Variants in USP14 observed in about 807,000 individuals in gnomAD.
USP14 encodes the protein ubiquitin carboxyl-terminal hydrolase 14.
In USP14, 38 loss-of-function variants were observed where a neutral mutation model predicts 76.5. That is an observed-to-expected ratio of 0.50 (90% confidence interval 0.38 to 0.65). The LOEUF (loss-of-function observed/expected upper bound fraction) is 0.65. USP14 is among the 30% of genes least tolerant of loss of function. The pLI is 0.00. For synonymous variants in USP14, 192 were observed against 191.7 expected, an observed-to-expected ratio of 1.00 and a Z score of -0.01; for missense variants, 467 against 586.5, an observed-to-expected ratio of 0.80 and a Z score of 2.10.
rs562036588 is a variant in USP14 at position 161,127 on chromosome 18, C to A, written c.17-2181C>A. Among the ~76,000 whole-genome samples the A allele has an allele frequency of 2.6e-5, 4 of 152,248 alleles. No individual in the cohort carries two copies. In the South Asian group the frequency reaches 8.3e-4, roughly 32 times the overall value. ...ATTTTTAGTAGAAACGAGGTTTCAC[C>A]GTATTGGCCAGGCTGGTCTCAAACC... On this transcript the variant is annotated intron_variant, in intron 1 of 15. Transcript: ENST00000261601.
intron 3 of USP14, among the ~76,000 whole-genome samples, chr18:168,898 C>T (rs1284031320): frequency 4.0e-5 from 6 of 148,622 alleles, no homozygotes; most frequent in African/African-American, 9.8e-5. Context: ...GGTGAAACTC[C>T]GTCTCTACTA....
chr18:202,549 C>T (rs894501099), intron 10 of USP14, among the ~76,000 whole-genome samples: 2 of 152,078 alleles, frequency 1.3e-5, no homozygotes, highest in African/African-American at 4.8e-5. Flanking sequence ...TGATAATAAA[C>T]AGGAATGACA....
chr18:204,660 G>C lies in USP14; in HGVS notation c.1132G>C (p.Glu378Gln). The change falls in exon 13 of 16, where the codon GAA becomes CAA. Residue 378 changes from glutamate (E) to glutamine (Q), a missense_variant. Coordinates refer to ENST00000261601, the MANE Select transcript of USP14 (RefSeq NM_005151.4). Reference sequence around the variant, plus strand: ...TTTTCGATCCAAATTCAAGGATCTAGAAGATAAAAAAGTGAATCAGCAGCC... The same window carrying C: ...TTTTCGATCCAAATTCAAGGATCTACAAGATAAAAAAGTGAATCAGCAGCC... ...VSFRSKFKDL[E>Q]DKKVNQQPNT... 6.2e-7 allele frequency: 1 copy of C among 1,613,202 alleles called. No individual in the cohort carries two copies. Among genetic ancestry groups the C allele is most frequent in the Non-Finnish European group, 8.5e-7 (1 of 1,179,716 alleles).
In USP14 at chr18:160,650, A is replaced by C. The variant is rs371969303; in HGVS notation, c.16+1936A>C. On this transcript the variant is annotated intron_variant, in intron 1 of 15. Transcript: ENST00000261601. ...CTTGTAAGCATGAGCAAAAAGTTTT[A>C]AGTAACTTGCTCATGGCAATAGCAC... Among the ~76,000 whole-genome samples, 125 of 152,370 alleles carry C rather than the reference A, an allele frequency of 8.2e-4. 1 individual carries two copies. The highest frequency in any genetic ancestry group is 2.7e-3 in the African/African-American group (112 of 41,594).
Position 198,078 on chromosome 18 carries a change from C to T in USP14, c.707C>T (p.Pro236Leu), listed in dbSNP as rs1350538047. 3 of 1,610,882 alleles carry T rather than the reference C, an allele frequency of 1.9e-6. No homozygotes were observed. The highest frequency in any genetic ancestry group is 2.7e-5 in the African/African-American group (2 of 74,848). Reference sequence around the variant, plus strand: ...TCCTCATCTGCATCGGCAGCGACACCTTCTAAAAAGAAAAGTTTAATCGAT... The same window carrying T: ...TCCTCATCTGCATCGGCAGCGACACTTTCTAAAAAGAAAAGTTTAATCGAT... ...TDSSSASAATPSKKKSLIDQF... is the reference protein window; with the variant it reads ...TDSSSASAATLSKKKSLIDQF... Residue 236 changes from proline (P) to leucine (L), a missense_variant, in exon 9 of 16, where the codon CCT becomes CTT. Coordinates refer to ENST00000261601, the MANE Select transcript of USP14 (RefSeq NM_005151.4).
At position 173,488 on chromosome 18, in the gene USP14, C is replaced by T. The variant is rs567750309; in HGVS notation, c.196-5445C>T. On this transcript the variant is annotated intron_variant, in intron 3 of 15. Coordinates refer to ENST00000261601, the MANE Select transcript of USP14 (RefSeq NM_005151.4). ...GTGCAATGGCGTGATCTCAGCTCAC[C>T]GCAACCTCCGTCTCCCAGGTTCAAG... Among the ~76,000 whole-genome samples the T allele has an allele frequency of 2.9e-4, 44 of 151,662 alleles. 1 individual carries two copies. In the South Asian group the frequency reaches 7.7e-3, roughly 27 times the overall value.
At chr18:198,624 T>C (rs982713210) in intron 9 of USP14, among the ~76,000 whole-genome samples, 2 of 152,190 alleles carry the variant, frequency 1.3e-5, no homozygotes, top group Non-Finnish European at 2.9e-5. Context: ...CATTATGTTT[T>C]GATTAATATA....
Position 214,597 on chromosome 18 carries a change from A to G in USP14, c.*3313A>G, listed in dbSNP as rs768664576. ...GCTGCTTGGTAACAAAATCTATCAC[A>G]GTTTTAATAAAAAGAAAAAAAAAAG... On this transcript the variant is annotated 3_prime_UTR_variant, in exon 16 of 16. Coordinates refer to ENST00000261601, the MANE Select transcript of USP14 (RefSeq NM_005151.4). 2.6e-6 allele frequency: 4 copies of G among 1,561,194 alleles called. No individual in the cohort carries two copies. In the South Asian group the frequency reaches 4.8e-5, roughly 19 times the overall value.
intron 12 of USP14, among the ~76,000 whole-genome samples, chr18:203,908 C>T (rs147598127): frequency 4.3e-4 from 65 of 152,226 alleles, no homozygotes; most frequent in African/African-American, 1.5e-3. Flanking sequence ...ATCACTGGTG[C>T]CCAAAGAGTA....
intron 2 of USP14, 42 bp downstream of exon 2, chr18:163,495 A>C: frequency 6.4e-7 from 1 of 1,554,770 alleles, no homozygotes; most frequent in Non-Finnish European, 8.7e-7. Context: ...CTATTATTGT[A>C]TACTTTTTGA....
intron 5 of USP14, among the ~76,000 whole-genome samples, chr18:188,570 A>G (rs1274276): frequency 0.2 from 24,825 of 124,870 alleles, 2,375 homozygotes; most frequent in Non-Finnish European, 0.25. Context: ...CTCTATGTCT[A>G]TCTTTTCCTG....
chr18:166,719 A>G (rs1322205221), intron 2 of USP14, 68 bp from the exon 3 acceptor site: 2 of 1,374,668 alleles, frequency 1.5e-6, no homozygotes, highest in East Asian at 4.6e-5. Context: ...ATTAAAATAA[A>G]TTGATTATTA....
At chr18:192,931 AGGAG>A (rs1314365759) in intron 6 of USP14, 31 bp downstream of exon 6, 6 of 1,582,508 alleles carry the variant, frequency 3.8e-6, no homozygotes, top group Non-Finnish European at 5.2e-6. Flanking sequence ...ACTTTTTGAT[AGGAG>A]TAAGACATTC....
intron 4 of USP14, 111 bp downstream of exon 4, chr18:179,148 C>G (rs1909710947): frequency 1.5e-6 from 1 of 660,810 alleles, no homozygotes; most frequent in South Asian, 2.3e-5. Context: ...TCATTAATAC[C>G]AAGATAGATA....
At chr18:173,312 C>T (rs1038786991) in intron 3 of USP14, among the ~76,000 whole-genome samples, 27 of 151,744 alleles carry the variant, frequency 1.8e-4, no homozygotes, top group Admixed American at 2.0e-4. Flanking sequence ...GGGGTTTCAC[C>T]ATGTTAGCCA....
rs563244626 is a variant in USP14 at position 213,988 on chromosome 18, TA to T, written c.*2705del. On this transcript the variant is annotated 3_prime_UTR_variant, in exon 16 of 16. Transcript: ENST00000261601. ...AAGATAGATAGATTAGATAGATAGA[TA>T]GATAGATAGATGATGATTGATTGAT... 378 of 150,494 alleles carry T rather than the reference TA, an allele frequency of 2.5e-3. 1 individual carries two copies. Among genetic ancestry groups the T allele is most frequent in the African/African-American group, 8.7e-3 (355 of 41,022 alleles). 9.3% of individuals were successfully genotyped at this position (150,494 alleles called of 1,614,324 possible). A position where few individuals can be genotyped will look rare whatever the true frequency, so the allele number is the denominator to read the frequency against.
At chr18:170,626 T>C (rs961372096) in intron 3 of USP14, among the ~76,000 whole-genome samples, 1 of 152,178 alleles carries the variant, frequency 6.6e-6, no homozygotes, top group Non-Finnish European at 1.5e-5. Context: ...GTGGTGTGGA[T>C]AGAAGATCAA....
At chr18:199,672 T>C (rs1412926854) in intron 10 of USP14, among the ~76,000 whole-genome samples, 2 of 152,218 alleles carry the variant, frequency 1.3e-5, no homozygotes, top group Non-Finnish European at 2.9e-5. Flanking sequence ...TGAGAAAATA[T>C]ACTTGTTAGA....
At chr18:165,278 TA>T (rs1478112469) in intron 2 of USP14, among the ~76,000 whole-genome samples, 1 of 152,170 alleles carries the variant, frequency 6.6e-6, no homozygotes, top group African/African-American at 2.4e-5. Context: ...AGTATAGCTT[TA>T]AAAAATACTT....
Sources: allele counts gnomAD v4.1 joint callset (sites outside exome capture counted in the v4.1 genomes callset), GRCh38; gene constraint gnomAD v4.1.1; transcripts MANE v1.5; gene names NCBI Gene and HGNC (gene_info 2026-07-23, HGNC 2026-07-21).